The following DYNC1I1 variants were observed in gnomAD, a reference collection of about 807,000 sequenced individuals.
DYNC1I1 encodes cytoplasmic dynein 1 intermediate chain 1.
Under a neutral mutation model 86.6 loss-of-function variants are expected in DYNC1I1, and 43 were observed. That is an observed-to-expected ratio of 0.50 (90% confidence interval 0.39 to 0.64). The LOEUF (loss-of-function observed/expected upper bound fraction) is 0.64. Among genes scored for constraint, DYNC1I1 ranks in the 30% least tolerant of loss-of-function variants. The probability of loss-of-function intolerance (pLI) is 0.00; values close to 1 mark genes in which losing one functional copy is unlikely to be tolerated. For missense variants in DYNC1I1, 604 were observed against 788.8 expected (o/e 0.77, Z 2.81); for synonymous variants, 262 against 283.7 (o/e 0.92, Z 0.77).
intron 10 of DYNC1I1, among the ~76,000 whole-genome samples, chr7:96,025,977 C>T (rs995137613): frequency 2.6e-5 from 4 of 152,086 alleles, no homozygotes; most frequent in African/African-American, 9.7e-5. Flanking sequence ...TCGATACCAC[C>T]TGGATAATTT....
chr7:96,019,456 T>C (rs1794486589), intron 10 of DYNC1I1, among the ~76,000 whole-genome samples: 2 of 151,998 alleles, frequency 1.3e-5, no homozygotes, highest in African/African-American at 4.8e-5. Flanking sequence ...AAAATACTAA[T>C]GCCCCAGTCG....
At chr7:96,058,835 G>A (rs892699768) in intron 14 of DYNC1I1, among the ~76,000 whole-genome samples, 1 of 143,084 alleles carries the variant, frequency 7.0e-6, no homozygotes, top group Non-Finnish European at 1.5e-5. Context: ...GTGGAGACAG[G>A]GTTTCACCAT....
At chr7:96,090,795 TTGAAAC>T (rs1427010193) in intron 16 of DYNC1I1, among the ~76,000 whole-genome samples, 1 of 152,208 alleles carries the variant, frequency 6.6e-6, no homozygotes, top group African/African-American at 2.4e-5. Context: ...GTCGACTTCT[TTGAAAC>T]TGCTCTAAAT....
chr7:95,924,053 GT>G (rs67557385), intron 6 of DYNC1I1, among the ~76,000 whole-genome samples: 5,664 of 152,154 alleles, frequency 0.037, 119 homozygotes, highest in South Asian at 0.1. Context: ...ATTGAGAACA[GT>G]TTTCCCCATT....
At chr7:95,909,081 C>A (rs984573683) in intron 6 of DYNC1I1, among the ~76,000 whole-genome samples, 2 of 149,972 alleles carry the variant, frequency 1.3e-5, no homozygotes, top group Admixed American at 1.3e-4. Flanking sequence ...TGATGAAATA[C>A]CAAAGAGAGA....
intron 10 of DYNC1I1, among the ~76,000 whole-genome samples, chr7:96,024,865 A>G (rs1317225503): frequency 2.0e-5 from 3 of 152,272 alleles, no homozygotes; most frequent in African/African-American, 4.8e-5. Flanking sequence ...AGTAAATTCT[A>G]TGACAATCAG....
chr7:95,940,731 G>T (rs1792187507), intron 6 of DYNC1I1, among the ~76,000 whole-genome samples: 2 of 152,082 alleles, frequency 1.3e-5, no homozygotes, highest in East Asian at 1.9e-4. Context: ...CAACTTCTTT[G>T]CCTTTGGTTT....
intron 4 of DYNC1I1, among the ~76,000 whole-genome samples, chr7:95,821,658 GTCA>G (rs1215983065): frequency 6.6e-6 from 1 of 152,046 alleles, no homozygotes; most frequent in African/African-American, 2.4e-5. Context: ...GGTGGTTGTC[GTCA>G]TCATTATAAT....
chr7:95,931,779 T>G (rs1294131009), intron 6 of DYNC1I1, among the ~76,000 whole-genome samples: 1 of 152,240 alleles, frequency 6.6e-6, no homozygotes, highest in Non-Finnish European at 1.5e-5. Context: ...TGACTAGCGC[T>G]TTACAGAAAA....
At position 95,772,768 on chromosome 7, in the gene DYNC1I1, G is replaced by T. The variant is rs1161841523; in HGVS notation, c.-15G>T. ...GCCCAGTTCCGCCGCTGCCGAGCGCGTCCAGGTAAACTGGAGCGGGATGTC... is the reference window on the plus strand; with the variant it reads ...GCCCAGTTCCGCCGCTGCCGAGCGCTTCCAGGTAAACTGGAGCGGGATGTC... On this transcript the variant is annotated 5_prime_UTR_variant, in exon 1 of 17. Transcript: ENST00000447467. 6.6e-6 allele frequency: 1 copy of T among 152,486 alleles called. No individual in the cohort carries two copies. The allele number at this position is 152,486 out of a possible 1,614,324, so 9.4% of individuals were successfully genotyped here.
intron 1 of DYNC1I1, among the ~76,000 whole-genome samples, chr7:95,803,849 A>G (rs1165992036): frequency 2.6e-5 from 4 of 152,214 alleles, no homozygotes; most frequent in Admixed American, 2.0e-4. Flanking sequence ...ACTCAAATAT[A>G]TAATCATTGG....
chr7:96,055,947 A>T (rs576008233), intron 14 of DYNC1I1: 102 of 152,300 alleles, frequency 6.7e-4, no homozygotes, highest in African/African-American at 2.4e-3. Context: ...AGGCAAAAGT[A>T]AGAGGAGGTC....
intron 3 of DYNC1I1, 64 bp downstream of exon 3, chr7:95,810,570 A>G (rs1185651418): frequency 1.5e-6 from 2 of 1,298,770 alleles, no homozygotes; most frequent in South Asian, 1.5e-5. Flanking sequence ...TACCATGTCC[A>G]GTGTTTACTA....
chr7:95,967,625 CTAACCTGCCATATACTTCAACTGTT>C (rs1793050217), intron 6 of DYNC1I1, among the ~76,000 whole-genome samples: 1 of 152,196 alleles, frequency 6.6e-6, no homozygotes, highest in South Asian at 2.1e-4. Context: ...TTGCAGCTCT[CTAACCTGCCATATACTTCAACTGTT>C]TATCTTGTTT....
At chr7:96,059,327 CA>C (rs1789692041) in intron 14 of DYNC1I1, among the ~76,000 whole-genome samples, 2 of 151,430 alleles carry the variant, frequency 1.3e-5, no homozygotes, top group Non-Finnish European at 2.9e-5. Flanking sequence ...AAAAAAAATG[CA>C]AAAACCATGG....
Position 96,028,340 on chromosome 7 carries a change from A to G in DYNC1I1, c.1116+19A>G, listed in dbSNP as rs1343460900. 1.3e-6 allele frequency: 2 copies of G among 1,583,420 alleles called. No homozygotes were observed. Among genetic ancestry groups the G allele is most frequent in the East Asian group, 2.3e-5 (1 of 44,134 alleles). On this transcript the variant is annotated intron_variant, in intron 11 of 16. Coordinates refer to ENST00000447467, the MANE Select transcript of DYNC1I1 (RefSeq NM_001135556.2). ...ACACACGGTAATGCAAACTTTTGCC[A>G]TATCCCTGTGAGCCGCCAGGCCCTG...
chr7:95,805,139 T>C (rs79421082), intron 2 of DYNC1I1, among the ~76,000 whole-genome samples: 12,341 of 152,206 alleles, frequency 0.081, 610 homozygotes, highest in Non-Finnish European at 0.099. Flanking sequence ...AGAAACTTCT[T>C]AACCTTTCTG....
chr7:96,038,379 A>C (rs552605414), intron 13 of DYNC1I1, among the ~76,000 whole-genome samples: 1 of 152,160 alleles, frequency 6.6e-6, no homozygotes, highest in Non-Finnish European at 1.5e-5. Context: ...ACATCTTCCT[A>C]ATTGTATATG....
At chr7:95,996,412 T>C (rs776661321) in intron 10 of DYNC1I1, among the ~76,000 whole-genome samples, 7 of 152,202 alleles carry the variant, frequency 4.6e-5, no homozygotes, top group Non-Finnish European at 7.3e-5. Flanking sequence ...CACGTGGACA[T>C]CCTCAGAGCA....
Sources: gnomAD v4.1 joint callset for allele counts (sites outside exome capture counted in the v4.1 genomes callset) on GRCh38, gnomAD v4.1.1 for gene constraint, MANE v1.5 for transcripts, NCBI Gene and HGNC (gene_info 2026-07-23, HGNC 2026-07-21) for gene names.